The following ZNF573 variants were observed in gnomAD, a reference collection of about 807,000 sequenced individuals.
ZNF573 encodes the protein zinc finger protein 573.
A neutral mutation model predicts 57.4 loss-of-function variants in ZNF573; 41 were observed. That is an observed-to-expected ratio of 0.71 (90% CI 0.56 to 0.93). The LOEUF is 0.93. Ranked by LOEUF, ZNF573 falls within the 40% of genes least tolerant of loss-of-function variation. ZNF573 has a pLI of 0.00. For missense variants in ZNF573, 730 were observed against 794.8 expected, an observed-to-expected ratio of 0.92 and a Z score of 0.98; for synonymous variants, 249 against 261.0, an observed-to-expected ratio of 0.95 and a Z score of 0.44.
At chr19:37,760,793 G>C (rs1466753561) in intron 4 of ZNF573, among the ~76,000 whole-genome samples, 1 of 151,470 alleles carries the variant, frequency 6.6e-6, no homozygotes, top group African/African-American at 2.4e-5. Flanking sequence ...TTGCACTCCA[G>C]CCTGGGCAAC....
At chr19:37,757,760 C>T (rs1392564870) in intron 4 of ZNF573, among the ~76,000 whole-genome samples, 5 of 152,044 alleles carry the variant, frequency 3.3e-5, no homozygotes. Flanking sequence ...TATTGCGGCA[C>T]TACTCACAAT....
At chr19:37,762,108 C>T (rs1568421553) in intron 4 of ZNF573, among the ~76,000 whole-genome samples, 1 of 152,128 alleles carries the variant, frequency 6.6e-6, no homozygotes, top group Non-Finnish European at 1.5e-5. Flanking sequence ...AAGAATAGAA[C>T]ATCACCTGGG....
At chr19:37,758,205 ATATATATATATATATATATAT>A (rs1568420266) in intron 4 of ZNF573, among the ~76,000 whole-genome samples, 4,055 of 36,070 alleles carry the variant, frequency 0.11, 712 homozygotes, top group East Asian at 0.27. Context: ...ATAATAAAAT[ATATATATATATATATATATAT>A]ATATATATAT....
At chr19:37,761,146 C>T (rs2145311941) in intron 4 of ZNF573, among the ~76,000 whole-genome samples, 1 of 152,180 alleles carries the variant, frequency 6.6e-6, no homozygotes, top group South Asian at 2.1e-4. Flanking sequence ...GCCAAGACAG[C>T]ACCACTGCAC....
intron 4 of ZNF573, among the ~76,000 whole-genome samples, chr19:37,766,078 A>G (rs1384787177): frequency 6.6e-6 from 1 of 152,180 alleles, no homozygotes; most frequent in Non-Finnish European, 1.5e-5. Flanking sequence ...AATATTGATC[A>G]GCCTTTATTT....
At chr19:37,764,735 C>T (rs1168300902) in intron 4 of ZNF573, among the ~76,000 whole-genome samples, 3 of 151,628 alleles carry the variant, frequency 2.0e-5, no homozygotes, top group Non-Finnish European at 4.4e-5. Flanking sequence ...TCCCGAGTAG[C>T]TGGGACTACA....
rs767581490 is a variant in ZNF573, at chr19:37,740,150, T to G, written c.340A>C (p.Thr114Pro). The G allele has an allele frequency of 6.2e-6, 10 of 1,607,010 alleles. No homozygotes were observed. Among genetic ancestry groups the G allele is most frequent in the Non-Finnish European group, 8.5e-6 (10 of 1,175,748 alleles). Reference sequence around the variant, plus strand: ...GTAGAGGATATATCTGTTTCATAAGTGGGTACTTCTATGTAGCTGATTATC... The same window carrying G: ...GTAGAGGATATATCTGTTTCATAAGGGGGTACTTCTATGTAGCTGATTATC... ...CEIISYIEVP[T>P]YETDISSTQL... Residue 114 changes from threonine (T) to proline (P), a missense_variant, in exon 5 of 5, where the codon ACT becomes CCT. By Grantham distance (38) the Thr-to-Pro change is conservative. Transcript: ENST00000536220.
intron 1 of ZNF573, among the ~76,000 whole-genome samples, chr19:37,774,883 TCATA>T (rs2045693286): frequency 6.6e-6 from 1 of 152,154 alleles, no homozygotes; most frequent in Non-Finnish European, 1.5e-5. Context: ...TTAACACTGT[TCATA>T]CATTAACTTA....
At chr19:37,760,785 G>A (rs1253535524) in intron 4 of ZNF573, among the ~76,000 whole-genome samples, 1 of 151,700 alleles carries the variant, frequency 6.6e-6, no homozygotes, top group Non-Finnish European at 1.5e-5. Context: ...TCGCGCCATT[G>A]CACTCCAGCC....
intron 4 of ZNF573, among the ~76,000 whole-genome samples, chr19:37,750,582 G>A (rs1432221449): frequency 3.3e-5 from 5 of 151,958 alleles, no homozygotes; most frequent in African/African-American, 4.8e-5. Context: ...GAAAAAAATC[G>A]TATGAATTTT....
At chr19:37,773,841 C>T in intron 1 of ZNF573, 90 bp from the exon 2 acceptor site, 1 of 785,872 alleles carries the variant, frequency 1.3e-6, no homozygotes, top group Non-Finnish European at 2.1e-6. Flanking sequence ...CAAATTAATC[C>T]CTCACAACTG....
At chr19:37,742,937 C>T (rs1473868407) in intron 4 of ZNF573, among the ~76,000 whole-genome samples, 1 of 152,152 alleles carries the variant, frequency 6.6e-6, no homozygotes, top group Non-Finnish European at 1.5e-5. Context: ...GGTCTAACAT[C>T]CAGAATTTAC....
At position 37,739,316 on chromosome 19, in the gene ZNF573, C is replaced by G. The variant is rs1415914403; in HGVS notation, c.1174G>C (p.Gly392Arg). Residue 392 changes from glycine (G) to arginine (R), a missense_variant, in exon 5 of 5, where the codon GGG (glycine) becomes CGG (arginine). Gly to Arg is a moderately radical substitution (Grantham distance 125). Coordinates refer to ENST00000536220, the MANE Select transcript of ZNF573 (RefSeq NM_001172690.2). ...GEKLFECKQC[G>R]KTYTTGSKLF... ...TTTGAACCAGTAGTATAGGTCTTCC[C>G]ACATTGCTTGCATTCAAAAAGTTTC... The G allele has an allele frequency of 1.7e-5, 27 of 1,613,982 alleles. No individual in the cohort carries two copies. Among genetic ancestry groups the G allele is most frequent in the Non-Finnish European group, 2.3e-5 (27 of 1,180,010 alleles).
intron 4 of ZNF573, among the ~76,000 whole-genome samples, chr19:37,746,932 G>A (rs1174267790): frequency 6.6e-6 from 1 of 152,094 alleles, no homozygotes; most frequent in Non-Finnish European, 1.5e-5. Flanking sequence ...TCACACTCCT[G>A]GGAGAAACAG....
chr19:37,766,677 G>A (rs1349316678), intron 4 of ZNF573, among the ~76,000 whole-genome samples: 4 of 152,128 alleles, frequency 2.6e-5, no homozygotes, highest in Non-Finnish European at 5.9e-5. Flanking sequence ...TTCTGCCTCT[G>A]AGATACTATA....
At chr19:37,773,472 T>C (rs2045677576) in intron 2 of ZNF573, among the ~76,000 whole-genome samples, 189 bp downstream of exon 2, 1 of 152,180 alleles carries the variant, frequency 6.6e-6, no homozygotes, top group Non-Finnish European at 1.5e-5. Context: ...TGACAATAAA[T>C]ATAAAAGTGG....
Position 37,739,949 on chromosome 19 carries a change from G to C in ZNF573, c.541C>G (p.Gln181Glu). The change falls in exon 5 of 5, where the codon CAA becomes GAA. Residue 181 changes from glutamine (Q) to glutamate (E), a missense_variant. By Grantham distance (29) the Gln-to-Glu change is conservative. Transcript: ENST00000536220. ...GGTTTCTCACCAGTATGAAATCTTTGATGTAGAGTAAGTTGATAGCCACTA... is the reference window on the plus strand; with the variant it reads ...GGTTTCTCACCAGTATGAAATCTTTCATGTAGAGTAAGTTGATAGCCACTA... ...FRSGYQLTLH[Q>E]RFHTGEKPYE... is the part of the protein sequence containing the mutation. The C allele has an allele frequency of 6.2e-7, 1 of 1,614,152 alleles. No homozygotes were observed. The highest frequency in any genetic ancestry group is 8.5e-7 in the Non-Finnish European group (1 of 1,180,010).
chr19:37,744,459 C>CT (rs1365916987), intron 4 of ZNF573, among the ~76,000 whole-genome samples: 1 of 152,018 alleles, frequency 6.6e-6, no homozygotes, highest in Non-Finnish European at 1.5e-5. Context: ...GAGTCAGGGA[C>CT]TGGAGTGGTG....
chr19:37,750,387 C>T (rs1342627095), intron 4 of ZNF573, among the ~76,000 whole-genome samples: 1 of 152,026 alleles, frequency 6.6e-6, no homozygotes, highest in African/African-American at 2.4e-5. Flanking sequence ...CCCAGCCATC[C>T]AACGTTAGGA....
Sources: gnomAD v4.1 joint callset for allele counts (sites outside exome capture counted in the v4.1 genomes callset) on GRCh38, gnomAD v4.1.1 for gene constraint, MANE v1.5 for transcripts, NCBI Gene and HGNC (gene_info 2026-07-23, HGNC 2026-07-21) for gene names.